Variants in LRRK2 observed in about 807,000 individuals in gnomAD.
The protein encoded by LRRK2 is leucine rich repeat kinase 2, also known as leucine-rich repeat serine/threonine-protein kinase 2.
A neutral mutation model predicts 302.6 loss-of-function variants in LRRK2; 203 were observed. The ratio of observed to expected loss-of-function variants is 0.67; its 90% confidence interval spans 0.60 to 0.75. LRRK2 has a LOEUF of 0.75. LRRK2 is among the 30% of genes least tolerant of loss of function. LRRK2 has a pLI of 0.00. For synonymous variants in LRRK2, 1,066 were observed against 1,031.9 expected (o/e 1.03, Z -0.63); for missense variants, 2,830 against 2,951.0 (o/e 0.96, Z 0.95).
intron 43 of LRRK2, 152 bp downstream of exon 43, chr12:40,348,661 T>A: frequency 1.6e-6 from 1 of 623,042 alleles, no homozygotes; most frequent in South Asian, 2.3e-5. Flanking sequence ...ATTTTCACCA[T>A]CCCAGGCACA....
At chr12:40,353,970 G>C (rs5017705) in intron 44 of LRRK2, among the ~76,000 whole-genome samples, 116,826 of 152,146 alleles carry the variant, frequency 0.77, 45,707 homozygotes, top group Non-Finnish European at 0.86. Flanking sequence ...AGAGGGAGAC[G>C]GTGGAAAGAG....
At chr12:40,263,471 C>T (rs1282700690) in intron 13 of LRRK2, among the ~76,000 whole-genome samples, 1 of 152,098 alleles carries the variant, frequency 6.6e-6, no homozygotes, top group Non-Finnish European at 1.5e-5. Context: ...AAAAATCTTC[C>T]AGCATCTTAA....
At chr12:40,350,020 G>A (rs1388062899) in intron 43 of LRRK2, among the ~76,000 whole-genome samples, 1 of 152,202 alleles carries the variant, frequency 6.6e-6, no homozygotes, top group Non-Finnish European at 1.5e-5. Flanking sequence ...TTGACAACAA[G>A]CTTGTGAGTA....
In LRRK2 at chr12:40,225,159, G is replaced by A. The variant is rs281865040; in HGVS notation, c.28G>A (p.Glu10Lys). The part of the protein sequence containing the change: MASGSCQGC[E>K]EDEETLKKLI... ...GGCTAGTGGCAGCTGTCAGGGGTGCGAAGAGGACGAGGAAACTCTGAAGAA... is the reference window on the plus strand; with the variant it reads ...GGCTAGTGGCAGCTGTCAGGGGTGCAAAGAGGACGAGGAAACTCTGAAGAA... The change falls in exon 1 of 51, where the codon GAA becomes AAA. Residue 10 changes from glutamate to lysine, a missense_variant. Coordinates refer to ENST00000298910, the MANE Select transcript of LRRK2 (RefSeq NM_198578.4). The A allele has an allele frequency of 1.9e-6, 3 of 1,614,078 alleles. No individual in the cohort carries two copies. Among genetic ancestry groups the A allele is most frequent in the Non-Finnish European group, 2.5e-6 (3 of 1,180,016 alleles).
intron 47 of LRRK2, among the ~76,000 whole-genome samples, chr12:40,362,885 T>C (rs4768237): frequency 0.62 from 93,604 of 151,872 alleles, 29,267 homozygotes; most frequent in Non-Finnish European, 0.67. Flanking sequence ...ATTTTTGTTT[T>C]CTATAATTTG....
chr12:40,225,415 C>T, intron 1 of LRRK2, 133 bp downstream of exon 1: 1 of 1,289,536 alleles, frequency 7.8e-7, no homozygotes, highest in Non-Finnish European at 1.1e-6. Context: ...CTCCCATATC[C>T]TTTCCTTAGG....
chr12:40,235,315 T>A (rs1193614169), intron 3 of LRRK2, among the ~76,000 whole-genome samples: 1 of 152,038 alleles, frequency 6.6e-6, no homozygotes, highest in Non-Finnish European at 1.5e-5. Context: ...CAAAAAAGAA[T>A]GAAAAAATTA....
intron 13 of LRRK2, among the ~76,000 whole-genome samples, chr12:40,261,020 C>A (rs1942748562): frequency 6.6e-6 from 1 of 152,022 alleles, no homozygotes; most frequent in Non-Finnish European, 1.5e-5. Flanking sequence ...AAGGACAGAG[C>A]TTTCTTCAGT....
chr12:40,296,184 G>T (rs1243609640), intron 23 of LRRK2, among the ~76,000 whole-genome samples: 2 of 152,018 alleles, frequency 1.3e-5, no homozygotes, highest in African/African-American at 4.8e-5. Context: ...TTCCTGTCTT[G>T]TAAGAATTAA....
At chr12:40,330,516 T>C in intron 39 of LRRK2, among the ~76,000 whole-genome samples, 1 of 152,176 alleles carries the variant, frequency 6.6e-6, no homozygotes. Context: ...TGTGTGTAGG[T>C]TGTTTTTCAT....
chr12:40,238,749 G>A (rs189828186), intron 5 of LRRK2, among the ~76,000 whole-genome samples: 5 of 152,218 alleles, frequency 3.3e-5, no homozygotes, highest in Admixed American at 1.3e-4. Context: ...TGTGCTAGGG[G>A]TTTAGATAAG....
chr12:40,266,375 T>C (rs1289923816), intron 14 of LRRK2, among the ~76,000 whole-genome samples: 1 of 152,172 alleles, frequency 6.6e-6, no homozygotes, highest in African/African-American at 2.4e-5. Context: ...AGAAGACATT[T>C]ATGCAGCCAA....
chr12:40,294,415 A>G (rs1944298762), intron 21 of LRRK2, among the ~76,000 whole-genome samples: 1 of 152,010 alleles, frequency 6.6e-6, no homozygotes, highest in Admixed American at 6.6e-5. Flanking sequence ...CTGAGTACTA[A>G]AAATATGAGG....
rs1239020738 is a variant in LRRK2, at chr12:40,367,855, C to T, written c.*90C>T. On this transcript the variant is annotated 3_prime_UTR_variant, in exon 51 of 51. Coordinates refer to ENST00000298910, the MANE Select transcript of LRRK2 (RefSeq NM_198578.4). Reference sequence around the variant, plus strand: ...AAAATGTTCACATGGAAAGGGTACTCACATTTTTTGAAATAGCTCGTGTGT... The same window carrying T: ...AAAATGTTCACATGGAAAGGGTACTTACATTTTTTGAAATAGCTCGTGTGT... The T allele has an allele frequency of 2.2e-6, 3 of 1,343,756 alleles. No homozygotes were observed. Among genetic ancestry groups the T allele is most frequent in the Non-Finnish European group, 3.0e-6 (3 of 988,830 alleles). The allele number at this position is 1,343,756 out of a possible 1,614,324, so 83.2% of individuals were successfully genotyped here.
At position 40,225,106 on chromosome 12, in the gene LRRK2, G is replaced by A; in HGVS notation, c.-26G>A. ...AGCAGCGGACGTTCATGCTGGGAGG[G>A]CGGCGGGTTGGAAGCAGGTGCCACC... On this transcript the variant is annotated 5_prime_UTR_variant, in exon 1 of 51. Transcript: ENST00000298910. 6.2e-7 allele frequency: 1 copy of A among 1,612,952 alleles called. No individual in the cohort carries two copies. Among genetic ancestry groups the A allele is most frequent in the Non-Finnish European group, 8.5e-7 (1 of 1,179,938 alleles).
chr12:40,243,406 C>T, intron 6 of LRRK2, 144 bp from the exon 7 acceptor site: 1 of 830,020 alleles, frequency 1.2e-6, no homozygotes, highest in Admixed American at 1.9e-5. Flanking sequence ...TTTTTTACAG[C>T]TACTTAAAGA....
At chr12:40,325,785 C>T (rs112649282) in intron 38 of LRRK2, among the ~76,000 whole-genome samples, 102 of 152,296 alleles carry the variant, frequency 6.7e-4, no homozygotes, top group Non-Finnish European at 1.3e-3. Context: ...CTTTTGGTAA[C>T]TCTTTTTCCC....
chr12:40,334,903 A>G, intron 39 of LRRK2, 64 bp from the exon 40 acceptor site: 1 of 1,556,766 alleles, frequency 6.4e-7, no homozygotes, highest in African/African-American at 1.4e-5. Context: ...TGCACTTTAA[A>G]GAAGGAGATA....
chr12:40,343,709 A>T (rs554815590), intron 41 of LRRK2, among the ~76,000 whole-genome samples: 2 of 152,350 alleles, frequency 1.3e-5, no homozygotes, highest in South Asian at 4.1e-4. Context: ...TGTAATCATT[A>T]TGATAATTAT....
Sources: allele counts gnomAD v4.1 joint callset (sites outside exome capture counted in the v4.1 genomes callset), GRCh38; gene constraint gnomAD v4.1.1; transcripts MANE v1.5; gene names NCBI Gene and HGNC (gene_info 2026-07-23, HGNC 2026-07-21).